EXOC5: variants seen among roughly 807,000 people sequenced by gnomAD.
The protein encoded by EXOC5 is SEC10-like 1.
Under a neutral mutation model 90.8 loss-of-function variants are expected in EXOC5, and 17 were observed. The observed-to-expected ratio is 0.19, with a 90% CI of 0.13 to 0.28. The LOEUF is 0.28. Among genes scored for constraint, EXOC5 ranks in the 10% least tolerant of loss-of-function variants. The pLI, the probability that EXOC5 is intolerant of heterozygous loss-of-function variation, is 1.00. For missense variants in EXOC5, 569 were observed against 830.6 expected, an observed-to-expected ratio of 0.69 and a Z score of 3.87; for synonymous variants, 260 against 270.0, an observed-to-expected ratio of 0.96 and a Z score of 0.36.
intron 15 of EXOC5, 76 bp downstream of exon 15, chr14:57,217,906 C>A: frequency 1.3e-6 from 1 of 756,724 alleles, no homozygotes; most frequent in South Asian, 1.6e-5. Context: ...TTCTTCTCTA[C>A]AAAGTATTTT....
chr14:57,206,867 A>C lies in EXOC5; in HGVS notation c.*1742T>G, dbSNP rs1341295301. The stretch of plus-strand genomic sequence containing the variant: ...TTTTTTTTCGTTTTTTCTTTTTTAC[A>C]AATTGACACTGTACAAAGAGCTTAA... On this transcript the variant is annotated 3_prime_UTR_variant, in exon 18 of 18. Coordinates refer to ENST00000621441, the MANE Select transcript of EXOC5 (RefSeq NM_006544.4). 1 of 152,406 alleles carries C rather than the reference A, an allele frequency of 6.6e-6. No homozygotes were observed. Among genetic ancestry groups the C allele is most frequent in the Non-Finnish European group, 1.5e-5 (1 of 67,946 alleles). The allele number at this position is 152,406 out of a possible 1,614,324, so 9.4% of individuals were successfully genotyped here.
At position 57,204,507 on chromosome 14, in the gene EXOC5, T is replaced by C. The variant is rs1882590794; in HGVS notation, c.*4102A>G. 6.6e-6 allele frequency: 1 copy of C among 152,288 alleles called. No homozygotes were observed. The highest frequency in any genetic ancestry group is 6.6e-5 in the Admixed American group (1 of 15,258). The allele number at this position is 152,288 out of a possible 1,614,324, so 9.4% of individuals were successfully genotyped here. A position where few individuals can be genotyped will look rare whatever the true frequency, so the allele number is the denominator to read the frequency against. ...TAAAAACTACCAATGTACTAAATAG[T>C]TAACACAATTGGCAAGCCTATGACA... On this transcript the variant is annotated 3_prime_UTR_variant, in exon 18 of 18. Coordinates refer to ENST00000621441, the MANE Select transcript of EXOC5 (RefSeq NM_006544.4).
rs533231736 is a variant in EXOC5, at chr14:57,250,626, G to T, written c.28-2914C>A. 9.9e-5 allele frequency among the ~76,000 whole-genome samples: 15 copies of T among 152,236 alleles called. No individual in the cohort carries two copies. The South Asian group carries it at 3.1e-3, about 32-fold the overall frequency. On this transcript the variant is annotated intron_variant, in intron 1 of 17. Coordinates refer to ENST00000621441, the MANE Select transcript of EXOC5 (RefSeq NM_006544.4). ...GTAATAGATTCCTGGCCAAGATCTG[G>T]CAGAGTCAAACCAATATGTCCATGA... is the stretch of plus-strand genomic sequence containing the variant.
intron 15 of EXOC5, among the ~76,000 whole-genome samples, chr14:57,211,959 A>AAGTGATCCACCTACCTCAGCCTCC (rs1882841508): frequency 6.6e-6 from 1 of 152,192 alleles, no homozygotes; most frequent in East Asian, 1.9e-4. Flanking sequence ...TACCAGGCTC[A>AAGTGATCCACCTACCTCAGCCTCC]AGTGATCCAC....
chr14:57,227,444 G>A (rs529929705), intron 12 of EXOC5, among the ~76,000 whole-genome samples: 165 of 152,196 alleles, frequency 1.1e-3, no homozygotes, highest in Non-Finnish European at 2.0e-3. Context: ...GACACTGAGA[G>A]TTTGCTTTTA....
Position 57,268,778 on chromosome 14 carries a change from G to C in EXOC5, c.-130C>G, listed in dbSNP as rs911126609. 1 of 1,444,264 alleles carries C rather than the reference G, an allele frequency of 6.9e-7. No individual in the cohort carries two copies. Among genetic ancestry groups the C allele is most frequent in the Non-Finnish European group, 9.0e-7 (1 of 1,105,070 alleles). The allele number at this position is 1,444,264 out of a possible 1,614,324, so 89.5% of individuals were successfully genotyped here. A position where few individuals can be genotyped will look rare whatever the true frequency, so the allele number is the denominator to read the frequency against. On this transcript the variant is annotated 5_prime_UTR_variant, in exon 1 of 18. Transcript: ENST00000621441. ...GCTCCGGGCCGCTGCGGGCTCCCCA[G>C]CTCCCCACAGATCCCAGGAGGGGCG...
intron 10 of EXOC5, 137 bp from the exon 11 acceptor site, chr14:57,231,852 TATG>T: frequency 3.3e-6 from 2 of 606,788 alleles, no homozygotes; most frequent in Non-Finnish European, 5.8e-6. Context: ...GGAGAGTACT[TATG>T]ATGCAGAGAT....
intron 1 of EXOC5, 105 bp from the exon 2 acceptor site, chr14:57,247,817 T>C (rs963574765): frequency 3.8e-6 from 2 of 520,832 alleles, no homozygotes; most frequent in Non-Finnish European, 6.8e-6. Flanking sequence ...AAAATGAAAT[T>C]ACTAATTGTT....
At chr14:57,219,940 TAAA>T (rs568843589) in intron 13 of EXOC5, among the ~76,000 whole-genome samples, 22 of 152,118 alleles carry the variant, frequency 1.4e-4, no homozygotes, top group Non-Finnish European at 2.5e-4. Flanking sequence ...CAGAATAAAA[TAAA>T]AAGGGAATCA....
rs1381423498 is a variant in EXOC5 at position 57,232,625 on chromosome 14, A to G, written c.938+42T>C. On this transcript the variant is annotated intron_variant, in intron 10 of 17. Coordinates refer to ENST00000621441, the MANE Select transcript of EXOC5 (RefSeq NM_006544.4). ...TCCTTGTTTTTATCAAAAAAATTTA[A>G]AAAATCTGTTATCTATTATTTTCTA... 4.6e-6 allele frequency: 4 copies of G among 873,208 alleles called. No homozygotes were observed. In the Admixed American group the frequency reaches 1.0e-4, roughly 23 times the overall value. The allele number at this position is 873,208 out of a possible 1,614,324, so 54.1% of individuals were successfully genotyped here.
At chr14:57,268,467 C>T (rs1049313023) in intron 1 of EXOC5, 155 bp downstream of exon 1, 82 of 1,497,872 alleles carry the variant, frequency 5.5e-5, no homozygotes, top group Non-Finnish European at 6.8e-5. Context: ...GCTCCGCCCG[C>T]GCTGACACGG....
chr14:57,231,660 T>G lies in EXOC5; in HGVS notation c.994A>C (p.Thr332Pro), dbSNP rs752054409. 5 of 1,613,352 alleles carry G rather than the reference T, an allele frequency of 3.1e-6. 1 individual carries two copies. The African/African-American group carries it at 6.7e-5, about 22-fold the overall frequency. ...MEFNLGTDKQ[T>P]FLSKLIKSIF... is the part of the protein sequence containing the mutation. ...GATTTGATAAGCTTAGACAAGAAAG[T>G]CTGTTTATCAGTACCTAAATTAAAC... Residue 332 changes from threonine (T) to proline (P), a missense_variant, in exon 11 of 18, where the codon ACT (threonine) becomes CCT (proline). By Grantham distance (38) the Thr-to-Pro change is conservative. This residue lies in a region of EXOC5 where 114 missense variants were observed against 111.2 expected (regional missense o/e 1.03). Coordinates refer to ENST00000621441, the MANE Select transcript of EXOC5 (RefSeq NM_006544.4).
chr14:57,210,967 T>C (rs566172261), intron 15 of EXOC5, among the ~76,000 whole-genome samples: 1 of 152,240 alleles, frequency 6.6e-6, no homozygotes, highest in South Asian at 2.1e-4. Flanking sequence ...ACAGAAGCAA[T>C]TGAGAGACCA....
At chr14:57,259,274 T>C (rs1884432822) in intron 1 of EXOC5, among the ~76,000 whole-genome samples, 2 of 152,272 alleles carry the variant, frequency 1.3e-5, no homozygotes, top group Admixed American at 6.5e-5. Context: ...AATTTTTATA[T>C]TTTTAGTAGA....
chr14:57,248,202 C>T (rs528429775), intron 1 of EXOC5, among the ~76,000 whole-genome samples: 2 of 150,988 alleles, frequency 1.3e-5, no homozygotes, highest in African/African-American at 2.4e-5. Context: ...TGGAGGCCAG[C>T]GGGTAAGTAT....
rs555776733 is a variant in EXOC5 at position 57,237,450 on chromosome 14, T to C, written c.531-84A>G. 10 of 816,034 alleles carry C rather than the reference T, an allele frequency of 1.2e-5. No individual in the cohort carries two copies. The East Asian group carries it at 2.4e-4, about 20-fold the overall frequency. The allele number at this position is 816,034 out of a possible 1,614,324, so 50.5% of individuals were successfully genotyped here. A position where few individuals can be genotyped will look rare whatever the true frequency, so the allele number is the denominator to read the frequency against. ...GTAAGATGCTAACCAAATGGGAAAC[T>C]GGGTGCAGGAGATACGAGAACCATC... On this transcript the variant is annotated intron_variant, in intron 5 of 17. Transcript: ENST00000621441.
chr14:57,266,027 T>C (rs551754412), intron 1 of EXOC5, among the ~76,000 whole-genome samples: 2 of 152,328 alleles, frequency 1.3e-5, no homozygotes, highest in African/African-American at 2.4e-5. Context: ...TTGAGAGTCA[T>C]GGGACCAATA....
intron 1 of EXOC5, among the ~76,000 whole-genome samples, chr14:57,262,538 A>ATG (rs55879618): frequency 0.077 from 11,090 of 143,780 alleles, 513 homozygotes; most frequent in Non-Finnish European, 0.1. Flanking sequence ...GTAAATACAT[A>ATG]TGTGTGTGTG....
intron 1 of EXOC5, among the ~76,000 whole-genome samples, chr14:57,251,542 G>A (rs533512348): frequency 6.6e-6 from 1 of 152,178 alleles, no homozygotes; most frequent in Non-Finnish European, 1.5e-5. Flanking sequence ...GCAGTGCTAA[G>A]GAGTAAATTT....
Sources: gnomAD v4.1 joint callset for allele counts (sites outside exome capture counted in the v4.1 genomes callset) on GRCh38, gnomAD v4.1.1 for gene constraint, gnomAD v4.1.1 regional missense constraint, MANE v1.5 for transcripts, NCBI Gene and HGNC (gene_info 2026-07-23, HGNC 2026-07-21) for gene names.